The following LRRC31 variants were observed in gnomAD, a reference collection of about 807,000 sequenced individuals.
The protein encoded by LRRC31 is leucine rich repeat containing 31.
LRRC31 carries 35 observed loss-of-function variants against 46.7 expected under a neutral mutation model. The observed-to-expected ratio is 0.75, with a 90% confidence interval of 0.57 to 0.99. LRRC31 has a LOEUF of 0.99. Ranked by LOEUF, LRRC31 falls within the 50% of genes least tolerant of loss-of-function variation. The pLI is 0.00. For missense variants in LRRC31, 613 were observed against 626.1 expected, an observed-to-expected ratio of 0.98 and a Z score of 0.22; for synonymous variants, 236 against 235.1, an observed-to-expected ratio of 1.00 and a Z score of -0.03.
At chr3:169,866,823 A>G (rs898237007) in intron 1 of LRRC31, among the ~76,000 whole-genome samples, 1 of 152,070 alleles carries the variant, frequency 6.6e-6, no homozygotes, top group African/African-American at 2.4e-5. Context: ...TTAGCTGGGC[A>G]TGGTGGCGGA....
At chr3:169,869,166 T>A (rs1314916301) in intron 1 of LRRC31, among the ~76,000 whole-genome samples, 8 of 151,814 alleles carry the variant, frequency 5.3e-5, no homozygotes. Context: ...AGGTCAGGAA[T>A]TCGAGACCAC....
Position 169,857,351 on chromosome 3 carries a change from C to T in LRRC31, c.488-479G>A, listed in dbSNP as rs866698897. On this transcript the variant is annotated intron_variant, in intron 3 of 8. Transcript: ENST00000316428. The stretch of plus-strand genomic sequence containing the variant: ...ATATATATATATATATATATACACA[C>T]ACACACACACACACACACAAGTATA... Among the ~76,000 whole-genome samples the T allele has an allele frequency of 7.6e-3, 613 of 80,800 alleles. 6 individuals are homozygous for T. Among genetic ancestry groups the T allele is most frequent in the African/African-American group, 0.019 (456 of 24,412 alleles). The allele number at this position is 80,800 out of a possible 152,430, so 53.0% of individuals were successfully genotyped here.
Position 169,856,496 on chromosome 3 carries a change from C to A in LRRC31, c.663G>T (p.Leu221=), listed in dbSNP as rs764325284. ...CTTCGAGACTTTGCAGCATAGGTAG[C>A]AGTTGACCTAGAAGGAAAGAAATCC... The part of the protein sequence containing the change: ...TSEDGTFLGQ[L]LPMLQSLEVL... The change falls in exon 5 of 9, where the codon CTG becomes CTT. Residue 221 remains leucine (L), a synonymous_variant. Transcript: ENST00000316428. 13 of 1,593,852 alleles carry A rather than the reference C, an allele frequency of 8.2e-6. No homozygotes were observed. The highest frequency in any genetic ancestry group is 7.0e-5 in the East Asian group (3 of 43,012).
intron 8 of LRRC31, among the ~76,000 whole-genome samples, chr3:169,844,743 C>A (rs1388908158): frequency 6.6e-6 from 1 of 152,070 alleles, no homozygotes; most frequent in Non-Finnish European, 1.5e-5. Flanking sequence ...ACTATCCTGA[C>A]CAACATGGTG....
rs1780780293 is a variant in LRRC31 at position 169,851,786 on chromosome 3, G to A, written c.992C>T (p.Thr331Ile). The A allele has an allele frequency of 1.2e-6, 2 of 1,613,722 alleles. No homozygotes were observed. Among genetic ancestry groups the A allele is most frequent in the East Asian group, 2.2e-5 (1 of 44,890 alleles). The change falls in exon 7 of 9, where the codon ACC (threonine) becomes ATC (isoleucine). Residue 331 changes from threonine (T) to isoleucine (I), a missense_variant and splice_region_variant. Thr to Ile is a moderately conservative substitution (Grantham distance 89). Coordinates refer to ENST00000316428, the MANE Select transcript of LRRC31 (RefSeq NM_024727.4). ...SLTADDVMSL[T>I]QVIPLLSNLQ... is the part of the protein sequence containing the mutation. ...ATTTGAAAGTAAAGGAATGACCTGGGCTGTTAAAAATATCAACAGTGACAT... is the reference window on the plus strand; with the variant it reads ...ATTTGAAAGTAAAGGAATGACCTGGACTGTTAAAAATATCAACAGTGACAT...
At chr3:169,848,978 C>T (rs1044571781) in intron 7 of LRRC31, among the ~76,000 whole-genome samples, 8 of 152,180 alleles carry the variant, frequency 5.3e-5, no homozygotes, top group African/African-American at 1.9e-4. Flanking sequence ...GGCAAGCCTC[C>T]CTCAGAGTCT....
chr3:169,851,554 G>T, intron 7 of LRRC31, 65 bp downstream of exon 7: 1 of 1,484,050 alleles, frequency 6.7e-7, no homozygotes, highest in South Asian at 1.3e-5. Flanking sequence ...ATGAAATGCA[G>T]GGAAAAAGAA....
rs1162988333 is a variant in LRRC31, at chr3:169,856,766, G to T, written c.594C>A (p.Ser198Arg). 8 of 1,607,100 alleles carry T rather than the reference G, an allele frequency of 5.0e-6. No individual in the cohort carries two copies. Among genetic ancestry groups the T allele is most frequent in the African/African-American group, 1.3e-5 (1 of 74,296 alleles). ...CCACAAGCTCAATCATTTGTATCTT[G>T]CTCCCTTTTTGGAACTTCTGAAGGA... is the stretch of plus-strand genomic sequence containing the variant. ...PLILQKFQKG[S>R]KIQMIELVDC... Residue 198 changes from serine to arginine, a missense_variant, in exon 4 of 9, where the codon AGC (serine) becomes AGA (arginine). By Grantham distance (110) the Ser-to-Arg change is moderately radical. Transcript: ENST00000316428.
intron 8 of LRRC31, among the ~76,000 whole-genome samples, chr3:169,845,883 A>G (rs888631837): frequency 3.0e-4 from 45 of 152,044 alleles, no homozygotes; most frequent in African/African-American, 9.7e-4. Context: ...TTTGATCTGC[A>G]AAAAAACACT....
Position 169,848,258 on chromosome 3 carries a change from C to T in LRRC31, c.1189G>A (p.Glu397Lys). 1 of 1,614,142 alleles carries T rather than the reference C, an allele frequency of 6.2e-7. No individual in the cohort carries two copies. The highest frequency in any genetic ancestry group is 8.5e-7 in the Non-Finnish European group (1 of 1,180,000). ...AEASVHLSALEVFNLSWNKCV... is the reference protein window; with the variant it reads ...AEASVHLSALKVFNLSWNKCV... ...TTGTTCCAAGAAAGGTTGAATACTT[C>T]CAGAGCAGAGAGGTGAACAGAGGCT... The change falls in exon 8 of 9, where the codon GAA (glutamate) becomes AAA (lysine). Residue 397 changes from glutamate to lysine, a missense_variant. By Grantham distance (56) the Glu-to-Lys change is moderately conservative. Coordinates refer to ENST00000316428, the MANE Select transcript of LRRC31 (RefSeq NM_024727.4).
At chr3:169,853,707 A>C in intron 6 of LRRC31, 2 of 984,768 alleles carry the variant, frequency 2.0e-6, no homozygotes, top group Non-Finnish European at 2.4e-6. Flanking sequence ...AATTCTTCCC[A>C]TTTTCCCAAA....
intron 3 of LRRC31, 141 bp downstream of exon 3, chr3:169,860,420 G>T: frequency 1.2e-6 from 1 of 834,488 alleles, no homozygotes; most frequent in Non-Finnish European, 2.0e-6. Context: ...TAGAGACAGG[G>T]TTTCACCATG....
chr3:169,842,691 T>C (rs1576779531), intron 8 of LRRC31, among the ~76,000 whole-genome samples: 1 of 151,860 alleles, frequency 6.6e-6, no homozygotes, highest in East Asian at 1.9e-4. Context: ...AGAAGGAAAA[T>C]ATACCCTGAT....
intron 6 of LRRC31, chr3:169,853,562 T>C: frequency 1.0e-6 from 1 of 985,800 alleles, no homozygotes; most frequent in Non-Finnish European, 1.2e-6. Flanking sequence ...TCTGGTGGGC[T>C]AATAACTCTG....
intron 1 of LRRC31, 146 bp from the exon 2 acceptor site, chr3:169,861,959 T>C: frequency 1.2e-6 from 1 of 838,202 alleles, no homozygotes; most frequent in South Asian, 1.8e-5. Flanking sequence ...AGCCATTTAC[T>C]AGGGACAAAG....
rs770555207 is a variant in LRRC31, at chr3:169,840,212, C to A, written c.1429G>T (p.Val477Leu). Residue 477 changes from valine (V) to leucine (L), a missense_variant, in exon 9 of 9, where the codon GTG becomes TTG. Physicochemically the swap from Val to Leu is conservative, Grantham distance 32. Coordinates refer to ENST00000316428, the MANE Select transcript of LRRC31 (RefSeq NM_024727.4). ...DAGWTMFCQNVRFLKELIELD... is the reference protein window; with the variant it reads ...DAGWTMFCQNLRFLKELIELD... ...TCGATTAGCTCTTTGAGGAACCGCA[C>A]GTTTTGGCAGAACATGGTCCACCCC... The A allele has an allele frequency of 6.2e-7, 1 of 1,614,010 alleles. No individual in the cohort carries two copies. The highest frequency in any genetic ancestry group is 1.7e-5 in the Admixed American group (1 of 59,988).
intron 1 of LRRC31, among the ~76,000 whole-genome samples, chr3:169,867,047 G>GTTT (rs1560636105): frequency 1.4e-4 from 13 of 92,672 alleles, no homozygotes; most frequent in African/African-American, 1.2e-3. Context: ...GGTTTTTTTT[G>GTTT]TTTGTTTGTT....
intron 6 of LRRC31, among the ~76,000 whole-genome samples, chr3:169,854,477 G>C (rs1441782516): frequency 2.0e-5 from 3 of 152,148 alleles, no homozygotes; most frequent in Non-Finnish European, 4.4e-5. Context: ...GATACCCTTT[G>C]TGTTGACGTT....
At chr3:169,856,265 A>AAT (rs1417273253) in intron 5 of LRRC31, 71 bp downstream of exon 5, 6 of 866,376 alleles carry the variant, frequency 6.9e-6, no homozygotes, top group Non-Finnish European at 9.0e-6. Flanking sequence ...GTAACTTTTC[A>AAT]ATATATATAT....
Sources: gnomAD v4.1 joint callset for allele counts (sites outside exome capture counted in the v4.1 genomes callset) on GRCh38, gnomAD v4.1.1 for gene constraint, MANE v1.5 for transcripts, NCBI Gene and HGNC (gene_info 2026-07-23, HGNC 2026-07-21) for gene names.